LYAR: variants seen among roughly 807,000 people sequenced by gnomAD.
LYAR encodes the protein Ly1 antibody reactive.
Under a neutral mutation model 45.2 loss-of-function variants are expected in LYAR, and 37 were observed. The ratio of observed to expected loss-of-function variants is 0.82; its 90% CI spans 0.63 to 1.08. LYAR has a LOEUF of 1.08. Among genes scored for constraint, LYAR ranks in the 50% least tolerant of loss-of-function variants. The probability of loss-of-function intolerance (pLI) is 0.00; values close to 1 mark genes in which losing one functional copy is unlikely to be tolerated. For synonymous variants in LYAR, 176 were observed against 155.1 expected, an observed-to-expected ratio of 1.14 and a Z score of -1.00; for missense variants, 493 against 451.0, an observed-to-expected ratio of 1.09 and a Z score of -0.84.
chr4:4,283,983 A>C (rs1211654164), intron 2 of LYAR, among the ~76,000 whole-genome samples, 188 bp from the exon 3 acceptor site: 1 of 152,258 alleles, frequency 6.6e-6, no homozygotes, highest in African/African-American at 2.4e-5. Flanking sequence ...GCTAACATTT[A>C]TTGTGTCCTT....
intron 8 of LYAR, among the ~76,000 whole-genome samples, chr4:4,272,463 G>C (rs1278718435): frequency 6.6e-6 from 1 of 152,102 alleles, no homozygotes; most frequent in African/African-American, 2.4e-5. Flanking sequence ...TCATGCCTAT[G>C]ACAATGCTCC....
chr4:4,270,415 T>C (rs1220214541), intron 8 of LYAR, among the ~76,000 whole-genome samples: 1 of 149,392 alleles, frequency 6.7e-6, no homozygotes, highest in Non-Finnish European at 1.5e-5. Flanking sequence ...CCATTTGCCC[T>C]AAAAAGACTC....
chr4:4,287,712 T>C (rs1394301675), intron 1 of LYAR, among the ~76,000 whole-genome samples: 1 of 152,192 alleles, frequency 6.6e-6, no homozygotes, highest in African/African-American at 2.4e-5. Flanking sequence ...TGCCTCCATC[T>C]TGACCTGCCA....
At chr4:4,270,116 T>C (rs939610109) in intron 8 of LYAR, among the ~76,000 whole-genome samples, 3 of 151,912 alleles carry the variant, frequency 2.0e-5, no homozygotes, top group African/African-American at 4.8e-5. Context: ...CCCAGGAAGA[T>C]TGCTTGAGCT....
At chr4:4,272,739 C>G (rs1008140481) in intron 8 of LYAR, among the ~76,000 whole-genome samples, 9 of 152,164 alleles carry the variant, frequency 5.9e-5, no homozygotes, top group African/African-American at 1.7e-4. Flanking sequence ...TATGGGGACA[C>G]TACTGTTTAC....
At chr4:4,287,215 C>G (rs1194131315) in intron 1 of LYAR, among the ~76,000 whole-genome samples, 2 of 152,158 alleles carry the variant, frequency 1.3e-5, no homozygotes, top group African/African-American at 4.8e-5. Flanking sequence ...ATTCTACATG[C>G]TTTCCTTCTG....
In LYAR at chr4:4,282,052, G is replaced by C. The variant is rs186308714; in HGVS notation, c.123-155C>G. 3.8e-3 allele frequency among the ~76,000 whole-genome samples: 573 copies of C among 152,214 alleles called. 2 individuals carry two copies. Among genetic ancestry groups the C allele is most frequent in the African/African-American group, 0.013 (542 of 41,528 alleles). On this transcript the variant is annotated intron_variant, in intron 3 of 9. Transcript: ENST00000343470. ...ATCTATTTCACTTATTATGTTTACAGCCTCCTGGTCAGAACCACATCCCCC... is the reference window on the plus strand; with the variant it reads ...ATCTATTTCACTTATTATGTTTACACCCTCCTGGTCAGAACCACATCCCCC...
chr4:4,289,377 C>G lies in LYAR; in HGVS notation c.-108+659G>C, dbSNP rs1292500855. ...TGTGAGTAAGTCCCAAGTGGGCCCTCTCTGCTAGAAATCAGGGTTGCAAAT... is the reference window on the plus strand; with the variant it reads ...TGTGAGTAAGTCCCAAGTGGGCCCTGTCTGCTAGAAATCAGGGTTGCAAAT... On this transcript the variant is annotated intron_variant, in intron 1 of 9. Coordinates refer to ENST00000343470, the MANE Select transcript of LYAR (RefSeq NM_017816.3). 3.9e-5 allele frequency among the ~76,000 whole-genome samples: 6 copies of G among 152,176 alleles called. No individual in the cohort carries two copies. In the East Asian group the frequency reaches 1.2e-3, roughly 29 times the overall value.
At chr4:4,281,929 C>T in intron 3 of LYAR, 32 bp from the exon 4 acceptor site, 1 of 1,467,124 alleles carries the variant, frequency 6.8e-7, no homozygotes, top group Non-Finnish European at 9.5e-7. Context: ...TGCCATTAGA[C>T]TGATACCCAA....
intron 1 of LYAR, among the ~76,000 whole-genome samples, chr4:4,286,894 G>A (rs983005387): frequency 6.3e-5 from 8 of 126,106 alleles, no homozygotes; most frequent in East Asian, 5.6e-4. Context: ...CTCGTGATCC[G>A]CCTGCCTCGG....
chr4:4,272,040 G>A (rs886445305), intron 8 of LYAR, among the ~76,000 whole-genome samples: 4 of 151,910 alleles, frequency 2.6e-5, no homozygotes, highest in African/African-American at 9.7e-5. Flanking sequence ...CAGAAATGAA[G>A]AACAGATTAG....
chr4:4,280,442 G>A (rs1038878477), intron 4 of LYAR, among the ~76,000 whole-genome samples: 1 of 152,086 alleles, frequency 6.6e-6, no homozygotes, highest in African/African-American at 2.4e-5. Context: ...AACTCACAGG[G>A]AATCTCAAAA....
intron 1 of LYAR, among the ~76,000 whole-genome samples, chr4:4,288,608 C>T (rs893792374): frequency 6.6e-6 from 1 of 151,914 alleles, no homozygotes; most frequent in African/African-American, 2.4e-5. Context: ...GCCTCAGCCT[C>T]CCCAGTAGCT....
intron 2 of LYAR, among the ~76,000 whole-genome samples, chr4:4,284,546 G>A (rs892829721): frequency 2.6e-5 from 4 of 152,138 alleles, no homozygotes; most frequent in Non-Finnish European, 4.4e-5. Context: ...CCCAACTGCT[G>A]GGTGCTGAAT....
At chr4:4,279,833 A>G (rs1264513359) in intron 4 of LYAR, 84 bp from the exon 5 acceptor site, 5 of 850,242 alleles carry the variant, frequency 5.9e-6, no homozygotes, top group Non-Finnish European at 9.6e-6. Context: ...AGTCCTTGCC[A>G]TGGCTAAAGC....
At chr4:4,283,335 G>C (rs1577218294) in intron 3 of LYAR, among the ~76,000 whole-genome samples, 1 of 152,220 alleles carries the variant, frequency 6.6e-6, no homozygotes, top group African/African-American at 2.4e-5. Flanking sequence ...ATTTTTAGTA[G>C]AGACAGGGTT....
At chr4:4,269,704 C>T (rs771172663) in intron 8 of LYAR, among the ~76,000 whole-genome samples, 4 of 152,222 alleles carry the variant, frequency 2.6e-5, no homozygotes, top group African/African-American at 4.8e-5. Context: ...AAACAGAAAG[C>T]GTAAACAGGA....
chr4:4,289,253 A>G (rs773050254), intron 1 of LYAR, among the ~76,000 whole-genome samples: 8 of 152,064 alleles, frequency 5.3e-5, no homozygotes, highest in Non-Finnish European at 1.0e-4. Flanking sequence ...CTCCTACCCC[A>G]CCCACGGCAT....
chr4:4,275,241 A>T (rs1283012111), intron 6 of LYAR, among the ~76,000 whole-genome samples: 1 of 152,186 alleles, frequency 6.6e-6, no homozygotes, highest in Non-Finnish European at 1.5e-5. Context: ...AAAGGTAGTA[A>T]TACCTACCTC....
Sources: gnomAD v4.1 joint callset for allele counts (sites outside exome capture counted in the v4.1 genomes callset) on GRCh38, gnomAD v4.1.1 for gene constraint, MANE v1.5 for transcripts, NCBI Gene and HGNC (gene_info 2026-07-23, HGNC 2026-07-21) for gene names.